Variants in KALRN observed in about 807,000 individuals in gnomAD.
KALRN encodes the protein kalirin.
Under a neutral mutation model 353.7 loss-of-function variants are expected in KALRN, and 70 were observed. The ratio of observed to expected loss-of-function variants is 0.20; its 90% CI spans 0.16 to 0.24. KALRN has a LOEUF of 0.24. Ranked by LOEUF, KALRN falls within the 10% of genes least tolerant of loss-of-function variation. KALRN has a pLI of 1.00. For missense variants in KALRN, 2,791 were observed against 3,756.7 expected (o/e 0.74, Z 6.72); for synonymous variants, 1,391 against 1,434.8 (o/e 0.97, Z 0.69).
intron 33 of KALRN, among the ~76,000 whole-genome samples, chr3:124,501,857 G>A (rs1324646666): frequency 1.3e-5 from 2 of 152,232 alleles, no homozygotes; most frequent in Admixed American, 1.3e-4. Context: ...AATGAGAAGA[G>A]GTCCTGCCAT....
chr3:124,122,027 A>G (rs1578291844), intron 1 of KALRN, among the ~76,000 whole-genome samples: 1 of 152,200 alleles, frequency 6.6e-6, no homozygotes, highest in Non-Finnish European at 1.5e-5. Context: ...GACTCTAGAA[A>G]CAAGTCCCAG....
At chr3:124,489,044 G>C (rs1018612948) in intron 29 of KALRN, among the ~76,000 whole-genome samples, 4 of 152,202 alleles carry the variant, frequency 2.6e-5, no homozygotes, top group African/African-American at 9.6e-5. Context: ...TGTTAGATGA[G>C]TTAAGATTTA....
Position 124,650,883 on chromosome 3 carries a change from A to G in KALRN, c.5740A>G (p.Thr1914Ala). 1 of 1,614,194 alleles carries G rather than the reference A, an allele frequency of 6.2e-7. No homozygotes were observed. Among genetic ancestry groups the G allele is most frequent in the Non-Finnish European group, 8.5e-7 (1 of 1,180,016 alleles). The change falls in exon 38 of 60, where the codon ACA (threonine) becomes GCA (alanine). Residue 1914 changes from threonine (T) to alanine (A), a missense_variant. Physicochemically the swap from Thr to Ala is moderately conservative, Grantham distance 58 (BLOSUM62 0). Coordinates refer to ENST00000682506, the MANE Select transcript of KALRN (RefSeq NM_001388419.1). Reference sequence around the variant, plus strand: ...CCTGAATGAGGGGATGGCCCCACCCACACCTCCTAAAAACCCAGAAGAAGA... The same window carrying G: ...CCTGAATGAGGGGATGGCCCCACCCGCACCTCCTAAAAACCCAGAAGAAGA... Reference protein sequence around the residue: ...GCLNEGMAPPTPPKNPEEEQK... With the variant: ...GCLNEGMAPPAPPKNPEEEQK...
intron 1 of KALRN, among the ~76,000 whole-genome samples, chr3:124,201,545 T>G (rs1045655613): frequency 2.0e-5 from 3 of 151,854 alleles, no homozygotes; most frequent in African/African-American, 7.3e-5. Flanking sequence ...TAGAATCCTT[T>G]GGAAAAAAAA....
intron 1 of KALRN, among the ~76,000 whole-genome samples, chr3:124,225,857 G>A (rs1030166489): frequency 6.6e-6 from 1 of 152,198 alleles, no homozygotes; most frequent in African/African-American, 2.4e-5. Context: ...AAAGAGTTTA[G>A]GAGAAAAGAG....
chr3:124,469,473 G>A (rs892215960), intron 25 of KALRN, among the ~76,000 whole-genome samples: 1 of 152,146 alleles, frequency 6.6e-6, no homozygotes. Context: ...TATGCTAACC[G>A]GCTATCTTAG....
chr3:124,289,139 G>A (rs1010273001), intron 5 of KALRN, among the ~76,000 whole-genome samples: 30 of 152,186 alleles, frequency 2.0e-4, no homozygotes, highest in Non-Finnish European at 3.5e-4. Context: ...GCTAGCTCAG[G>A]TTCCTCTTCC....
chr3:124,709,411 G>A (rs1309524844), intron 57 of KALRN, among the ~76,000 whole-genome samples: 2 of 152,134 alleles, frequency 1.3e-5, no homozygotes, highest in African/African-American at 4.8e-5. Flanking sequence ...CTGAGTAGCT[G>A]GGATTACAGG....
chr3:124,215,754 T>A (rs547084987), intron 1 of KALRN, among the ~76,000 whole-genome samples: 1 of 152,172 alleles, frequency 6.6e-6, no homozygotes, highest in Admixed American at 6.5e-5. Flanking sequence ...CCTCAAGACA[T>A]GCTTGTCCTG....
At chr3:124,300,069 G>A (rs558512346) in intron 6 of KALRN, among the ~76,000 whole-genome samples, 6 of 152,278 alleles carry the variant, frequency 3.9e-5, no homozygotes, top group Admixed American at 3.9e-4. Flanking sequence ...GAAACAAGGT[G>A]AATCACAGAG....
chr3:124,115,053 G>T (rs1202034063), intron 1 of KALRN, among the ~76,000 whole-genome samples: 1 of 152,132 alleles, frequency 6.6e-6, no homozygotes, highest in Non-Finnish European at 1.5e-5. Flanking sequence ...ATGAGGAGGA[G>T]AATTTCAGCT....
At chr3:124,656,952 C>T (rs11707114) in intron 39 of KALRN, among the ~76,000 whole-genome samples, 37,841 of 151,884 alleles carry the variant, frequency 0.25, 4,894 homozygotes, top group East Asian at 0.41. Context: ...ATCAGTGGTG[C>T]GATTATGGAC....
intron 10 of KALRN, among the ~76,000 whole-genome samples, chr3:124,377,556 C>G (rs1446000511): frequency 6.6e-6 from 1 of 152,120 alleles, no homozygotes; most frequent in African/African-American, 2.4e-5. Flanking sequence ...CTACAAATGT[C>G]AGACCACGTT....
chr3:124,689,815 T>A (rs2061728950), intron 51 of KALRN, among the ~76,000 whole-genome samples: 1 of 152,210 alleles, frequency 6.6e-6, no homozygotes, highest in African/African-American at 2.4e-5. Flanking sequence ...TTATGACTGA[T>A]GGTGCATAAA....
chr3:124,555,258 G>A (rs1244069603), intron 33 of KALRN, among the ~76,000 whole-genome samples: 1 of 151,822 alleles, frequency 6.6e-6, no homozygotes, highest in Non-Finnish European at 1.5e-5. Flanking sequence ...TCAGCCCGGC[G>A]CAGTGGCTCA....
chr3:124,179,185 A>T (rs1332138250), intron 1 of KALRN, among the ~76,000 whole-genome samples: 3 of 152,254 alleles, frequency 2.0e-5, no homozygotes, highest in Admixed American at 6.5e-5. Flanking sequence ...ATACTTTTGT[A>T]ATAACACAAC....
intron 5 of KALRN, among the ~76,000 whole-genome samples, chr3:124,271,546 A>G (rs1180089904): frequency 6.6e-6 from 1 of 152,238 alleles, no homozygotes; most frequent in East Asian, 1.9e-4. Context: ...TTACAGTTGA[A>G]GAAATGGAAA....
chr3:124,138,534 A>G (rs1578484759), intron 1 of KALRN, among the ~76,000 whole-genome samples: 1 of 152,240 alleles, frequency 6.6e-6, no homozygotes, highest in Non-Finnish European at 1.5e-5. Flanking sequence ...GATCAATGCC[A>G]GGGTCAAAGA....
rs7629136 is a variant in KALRN at position 124,635,222 on chromosome 3, C to T, written c.5568+1269C>T. On this transcript the variant is annotated intron_variant, in intron 36 of 59. Coordinates refer to ENST00000682506, the MANE Select transcript of KALRN (RefSeq NM_001388419.1). The stretch of plus-strand genomic sequence containing the variant: ...TGAGACAGAAGTGCTGGTGCTTCAC[C>T]TTGAGATGGAAATGAGACCTGCCTA... Among the ~76,000 whole-genome samples, 282 of 152,256 alleles carry T rather than the reference C, an allele frequency of 1.9e-3. 1 individual carries two copies. The highest frequency in any genetic ancestry group is 6.5e-3 in the African/African-American group (271 of 41,542).
Sources: gnomAD v4.1 joint callset for allele counts (sites outside exome capture counted in the v4.1 genomes callset) on GRCh38, gnomAD v4.1.1 for gene constraint, MANE v1.5 for transcripts, NCBI Gene and HGNC (gene_info 2026-07-23, HGNC 2026-07-21) for gene names.